The following NRG3 variants were observed in gnomAD, a reference collection of about 807,000 sequenced individuals.
NRG3 encodes pro-neuregulin-3, membrane-bound isoform.
A neutral mutation model predicts 66.9 loss-of-function variants in NRG3; 31 were observed. The ratio of observed to expected loss-of-function variants is 0.46; its 90% CI spans 0.35 to 0.63. NRG3 has a LOEUF of 0.63. Ranked by LOEUF, NRG3 falls within the 20% of genes least tolerant of loss-of-function variation. The pLI is 0.00. For synonymous variants in NRG3, 393 were observed against 359.4 expected, an observed-to-expected ratio of 1.09 and a Z score of -1.06; for missense variants, 910 against 878.9, an observed-to-expected ratio of 1.04 and a Z score of -0.45.
chr10:82,164,401 T>C (rs368955989), intron 1 of NRG3, among the ~76,000 whole-genome samples: 5 of 152,252 alleles, frequency 3.3e-5, no homozygotes, highest in African/African-American at 4.8e-5. Context: ...AAATGTACAA[T>C]ATATTGTTGC....
Position 82,979,014 on chromosome 10 carries a change from A to G in NRG3, c.1477A>G (p.Arg493Gly). The change falls in exon 8 of 9, where the codon AGG (arginine) becomes GGG (glycine). Residue 493 changes from arginine (R) to glycine (G), a missense_variant. Arg to Gly is a moderately radical substitution (Grantham distance 125). Transcript: ENST00000372141. ...CATGCTCCATAGGAATGCCTTCAGAAGGACACCCCCGTCACCCCGAAGTAG... is the reference window on the plus strand; with the variant it reads ...CATGCTCCATAGGAATGCCTTCAGAGGGACACCCCCGTCACCCCGAAGTAG... Reference protein sequence around the residue: ...SGMLHRNAFRRTPPSPRSRLG... With the variant: ...SGMLHRNAFRGTPPSPRSRLG... 4.3e-6 allele frequency: 7 copies of G among 1,614,084 alleles called. No individual in the cohort carries two copies. The highest frequency in any genetic ancestry group is 5.9e-6 in the Non-Finnish European group (7 of 1,179,980).
intron 2 of NRG3, among the ~76,000 whole-genome samples, chr10:82,601,875 T>A (rs1264528383): frequency 6.8e-6 from 1 of 147,006 alleles, no homozygotes; most frequent in African/African-American, 2.5e-5. Flanking sequence ...TATATATATA[T>A]AACTATATAT....
intron 1 of NRG3, among the ~76,000 whole-genome samples, chr10:82,032,227 T>TTATA (rs2062603188): frequency 6.6e-6 from 1 of 152,052 alleles, no homozygotes; most frequent in Non-Finnish European, 1.5e-5. Flanking sequence ...ACTTCATTTA[T>TTATA]TATAAGACAA....
intron 4 of NRG3, among the ~76,000 whole-genome samples, chr10:82,885,879 T>C (rs1247038023): frequency 1.3e-5 from 2 of 151,082 alleles, no homozygotes; most frequent in African/African-American, 2.4e-5. Flanking sequence ...TTTTTTGTAT[T>C]ATTATTTTTT....
intron 1 of NRG3, among the ~76,000 whole-genome samples, chr10:82,064,272 G>A (rs1009321581): frequency 1.3e-5 from 2 of 152,066 alleles, no homozygotes; most frequent in Non-Finnish European, 1.5e-5. Flanking sequence ...GTACCATGGA[G>A]ATTTGCCTGG....
At chr10:82,094,417 A>G (rs1590084328) in intron 1 of NRG3, among the ~76,000 whole-genome samples, 1 of 152,220 alleles carries the variant, frequency 6.6e-6, no homozygotes, top group Non-Finnish European at 1.5e-5. Context: ...CACAATCTCT[A>G]TGGTAAAAAG....
chr10:82,425,926 A>G (rs1312140541), intron 2 of NRG3, among the ~76,000 whole-genome samples: 1 of 152,194 alleles, frequency 6.6e-6, no homozygotes, highest in East Asian at 1.9e-4. Context: ...TGAGAGGGGA[A>G]GCATTTTACA....
intron 2 of NRG3, among the ~76,000 whole-genome samples, chr10:82,545,027 A>G (rs1327780279): frequency 6.6e-6 from 1 of 152,198 alleles, no homozygotes; most frequent in Non-Finnish European, 1.5e-5. Context: ...AGATGCTGAT[A>G]TTGAACTTCC....
intron 3 of NRG3, among the ~76,000 whole-genome samples, chr10:82,837,204 C>T (rs1450726502): frequency 3.9e-5 from 6 of 152,114 alleles, no homozygotes; most frequent in African/African-American, 7.2e-5. Context: ...AATAAACATA[C>T]GTGTGCATGT....
At chr10:82,292,323 G>A (rs2079795428) in intron 1 of NRG3, among the ~76,000 whole-genome samples, 1 of 151,950 alleles carries the variant, frequency 6.6e-6, no homozygotes, top group South Asian at 2.1e-4. Context: ...AAAGGAAGTA[G>A]TGACAACACC....
intron 1 of NRG3, among the ~76,000 whole-genome samples, chr10:82,242,890 T>C (rs1462667636): frequency 6.6e-6 from 1 of 152,192 alleles, no homozygotes; most frequent in East Asian, 1.9e-4. Flanking sequence ...TGTTTCTCAC[T>C]GATACACCTT....
At chr10:82,872,484 C>T (rs576802398) in intron 4 of NRG3, among the ~76,000 whole-genome samples, 1 of 152,200 alleles carries the variant, frequency 6.6e-6, no homozygotes, top group African/African-American at 2.4e-5. Flanking sequence ...AACCAGAATA[C>T]TTCATACAGT....
At chr10:82,361,602 A>G (rs565456253) in intron 2 of NRG3, among the ~76,000 whole-genome samples, 103 of 152,328 alleles carry the variant, frequency 6.8e-4, no homozygotes, top group Middle Eastern at 3.4e-3. Flanking sequence ...TATCACTAAG[A>G]TACTATTGAA....
intron 1 of NRG3, among the ~76,000 whole-genome samples, chr10:82,122,094 G>T (rs1163040684): frequency 6.6e-6 from 1 of 152,156 alleles, no homozygotes; most frequent in Non-Finnish European, 1.5e-5. Context: ...GCTAACAATA[G>T]CACTGACTCT....
chr10:82,316,424 T>C (rs999474842), intron 1 of NRG3, among the ~76,000 whole-genome samples: 8 of 152,144 alleles, frequency 5.3e-5, no homozygotes, highest in Non-Finnish European at 8.8e-5. Flanking sequence ...TGATGTCTTA[T>C]GAAAAAAAGT....
intron 1 of NRG3, among the ~76,000 whole-genome samples, chr10:82,214,193 A>G (rs1358264666): frequency 2.0e-5 from 3 of 152,134 alleles, no homozygotes; most frequent in Non-Finnish European, 2.9e-5. Context: ...GACAAAAGCA[A>G]TGATGCTAAT....
intron 1 of NRG3, among the ~76,000 whole-genome samples, chr10:81,932,137 C>T (rs1297872190): frequency 1.3e-5 from 2 of 150,852 alleles, no homozygotes; most frequent in Non-Finnish European, 1.5e-5. Flanking sequence ...GGAGCAAACA[C>T]GTCAGATGGT....
At chr10:82,332,751 C>A (rs901462153) in intron 1 of NRG3, among the ~76,000 whole-genome samples, 5 of 152,150 alleles carry the variant, frequency 3.3e-5, no homozygotes, top group African/African-American at 1.2e-4. Flanking sequence ...CTGATGTGAT[C>A]CATTTGCTAT....
chr10:82,467,663 T>A (rs1840820773), intron 2 of NRG3, among the ~76,000 whole-genome samples: 1 of 152,162 alleles, frequency 6.6e-6, no homozygotes, highest in African/African-American at 2.4e-5. Context: ...AGTAGGGCAC[T>A]CACTGGTGAC....
Sources: allele counts gnomAD v4.1 joint callset (sites outside exome capture counted in the v4.1 genomes callset), GRCh38; gene constraint gnomAD v4.1.1; transcripts MANE v1.5; gene names NCBI Gene and HGNC (gene_info 2026-07-23, HGNC 2026-07-21).